The following ROBO1 variants were observed in gnomAD, a reference collection of about 807,000 sequenced individuals.
ROBO1 encodes the protein roundabout guidance receptor 1, also known as roundabout homolog 1.
ROBO1 carries 149 observed loss-of-function variants against 195.9 expected under a neutral mutation model. The ratio of observed to expected loss-of-function variants is 0.76; its 90% CI spans 0.67 to 0.87. The LOEUF is 0.87. ROBO1 is among the 40% of genes least tolerant of loss of function. The pLI, the probability that ROBO1 is intolerant of heterozygous loss-of-function variation, is 0.00. For missense variants in ROBO1, 1,933 were observed against 2,068.3 expected, an observed-to-expected ratio of 0.93 and a Z score of 1.27; for synonymous variants, 816 against 733.2, an observed-to-expected ratio of 1.11 and a Z score of -1.82.
rs558005668 is a variant in ROBO1 at position 78,708,116 on chromosome 3, G to A, written c.1045+6281C>T. On this transcript the variant is annotated intron_variant, in intron 8 of 30. Coordinates refer to ENST00000464233, the MANE Select transcript of ROBO1 (RefSeq NM_002941.4). ...TGCTTTATCTGTGAAGTTACAAAAG[G>A]AGTGGAAAGATTAATAATGCCATCT... 1.2e-4 allele frequency among the ~76,000 whole-genome samples: 19 copies of A among 152,286 alleles called. No homozygotes were observed. The South Asian group carries it at 3.7e-3, about 30-fold the overall frequency.
chr3:79,055,738 C>A (rs539346698), intron 3 of ROBO1, among the ~76,000 whole-genome samples: 16 of 152,162 alleles, frequency 1.1e-4, no homozygotes, highest in African/African-American at 3.6e-4. Flanking sequence ...GATTACTAAA[C>A]CCCTCCAAAT....
intron 2 of ROBO1, among the ~76,000 whole-genome samples, chr3:79,567,593 A>T (rs964532483): frequency 6.6e-6 from 1 of 152,200 alleles, no homozygotes; most frequent in African/African-American, 2.4e-5. Flanking sequence ...AGCCAATAGT[A>T]TTGTTACATA....
chr3:79,521,909 C>T (rs1941225162), intron 2 of ROBO1, among the ~76,000 whole-genome samples: 1 of 152,130 alleles, frequency 6.6e-6, no homozygotes, highest in Non-Finnish European at 1.5e-5. Context: ...TGACCTTTCC[C>T]TCTTCTTCTA....
chr3:79,658,916 T>C (rs1946248618), intron 1 of ROBO1, among the ~76,000 whole-genome samples: 1 of 152,068 alleles, frequency 6.6e-6, no homozygotes, highest in South Asian at 2.1e-4. Flanking sequence ...TTTGTATTTT[T>C]AGTAGAGATG....
intron 4 of ROBO1, among the ~76,000 whole-genome samples, chr3:78,839,349 T>C (rs544319750): frequency 6.6e-6 from 1 of 152,198 alleles, no homozygotes; most frequent in Non-Finnish European, 1.5e-5. Flanking sequence ...TAATGATGTA[T>C]AGTGATGATA....
intron 1 of ROBO1, among the ~76,000 whole-genome samples, chr3:79,662,678 T>A (rs1283515684): frequency 6.6e-6 from 1 of 152,100 alleles, no homozygotes; most frequent in Non-Finnish European, 1.5e-5. Flanking sequence ...TGGCTGTCTT[T>A]TTCCCTCTGC....
At chr3:79,179,660 T>A (rs1185193388) in intron 2 of ROBO1, among the ~76,000 whole-genome samples, 2 of 152,186 alleles carry the variant, frequency 1.3e-5, no homozygotes, top group Non-Finnish European at 2.9e-5. Flanking sequence ...GGGAAAAAAA[T>A]TATAATCATG....
At position 79,268,919 on chromosome 3, in the gene ROBO1, T is replaced by C. The variant is rs561543590; in HGVS notation, c.89-143380A>G. Among the ~76,000 whole-genome samples the C allele has an allele frequency of 6.6e-5, 10 of 151,870 alleles. No individual in the cohort carries two copies. In the East Asian group the frequency reaches 1.5e-3, roughly 24 times the overall value. On this transcript the variant is annotated intron_variant, in intron 2 of 30. Transcript: ENST00000464233. ...CTGTTATATCATTTTTTGGACATTCTATATATTTAAAATATTTCATAATAA... is the reference window on the plus strand; with the variant it reads ...CTGTTATATCATTTTTTGGACATTCCATATATTTAAAATATTTCATAATAA...
At chr3:78,916,182 G>T (rs556389486) in intron 4 of ROBO1, among the ~76,000 whole-genome samples, 1 of 150,540 alleles carries the variant, frequency 6.6e-6, no homozygotes, top group Admixed American at 6.6e-5. Flanking sequence ...CCCGGGAGGC[G>T]GAGCTTGCAG....
intron 29 of ROBO1, among the ~76,000 whole-genome samples, chr3:78,601,669 C>G (rs372787372): frequency 2.6e-5 from 4 of 152,216 alleles, no homozygotes; most frequent in African/African-American, 9.6e-5. Flanking sequence ...TTCCTCACCA[C>G]TCAGCCAAGC....
At chr3:78,764,199 TTTTG>T (rs2083173917) in intron 4 of ROBO1, among the ~76,000 whole-genome samples, 1 of 152,200 alleles carries the variant, frequency 6.6e-6, no homozygotes, top group South Asian at 2.1e-4. Context: ...TCTATCATCT[TTTTG>T]TTTATTATTT....
Position 79,751,342 on chromosome 3 carries a change from A to G in ROBO1, c.-51+16410T>C, listed in dbSNP as rs138543471. 2.3e-3 allele frequency among the ~76,000 whole-genome samples: 347 copies of G among 152,238 alleles called. 2 individuals carry two copies. The highest frequency in any genetic ancestry group is 7.9e-3 in the African/African-American group (328 of 41,568). The stretch of plus-strand genomic sequence containing the variant: ...TATTATCATATCATTAAAATGTATT[A>G]TTAATTGCAAAAATGTCTTGAGATT... On this transcript the variant is annotated intron_variant, in intron 1 of 30. Transcript: ENST00000464233.
intron 2 of ROBO1, among the ~76,000 whole-genome samples, chr3:79,190,984 A>G (rs1160392957): frequency 6.6e-6 from 1 of 151,630 alleles, no homozygotes; most frequent in Non-Finnish European, 1.5e-5. Context: ...TTTTTAGGAC[A>G]GACACATTAG....
At chr3:79,441,680 T>C (rs1288834317) in intron 2 of ROBO1, among the ~76,000 whole-genome samples, 4 of 152,128 alleles carry the variant, frequency 2.6e-5, no homozygotes, top group Non-Finnish European at 4.4e-5. Context: ...TATAATGATA[T>C]GACTCAGGGG....
At chr3:79,083,359 G>A (rs1335408814) in intron 3 of ROBO1, among the ~76,000 whole-genome samples, 1 of 152,098 alleles carries the variant, frequency 6.6e-6, no homozygotes, top group African/African-American at 2.4e-5. Flanking sequence ...CAAATGTAGT[G>A]GTTTGTGAAG....
rs1306848891 is a variant in ROBO1, at chr3:79,167,062, T to C, written c.89-41523A>G. ...ATTCTGGCTACTCAATTTCAAATCA[T>C]GTCCTAATCATGTTTCCTAAAAGAC... On this transcript the variant is annotated intron_variant, in intron 2 of 30. Coordinates refer to ENST00000464233, the MANE Select transcript of ROBO1 (RefSeq NM_002941.4). Among the ~76,000 whole-genome samples the C allele has an allele frequency of 2.6e-5, 4 of 151,994 alleles. No individual in the cohort carries two copies. The East Asian group carries it at 5.8e-4, about 22-fold the overall frequency.
chr3:78,850,258 G>A (rs542372539), intron 4 of ROBO1, among the ~76,000 whole-genome samples: 2 of 152,196 alleles, frequency 1.3e-5, no homozygotes, highest in Admixed American at 6.5e-5. Context: ...CATTGTTTTT[G>A]GCTACAGAAT....
At chr3:79,285,147 G>T (rs2031807588) in intron 2 of ROBO1, among the ~76,000 whole-genome samples, 1 of 152,014 alleles carries the variant, frequency 6.6e-6, no homozygotes, top group African/African-American at 2.4e-5. Context: ...TTCTTACGAA[G>T]CATTTATTCA....
At chr3:79,275,016 C>G (rs1283873788) in intron 2 of ROBO1, among the ~76,000 whole-genome samples, 3 of 151,888 alleles carry the variant, frequency 2.0e-5, no homozygotes, top group African/African-American at 7.2e-5. Context: ...GAGAAATGCT[C>G]AGGACCCAGT....
Sources: allele counts gnomAD v4.1 joint callset (sites outside exome capture counted in the v4.1 genomes callset), GRCh38; gene constraint gnomAD v4.1.1; transcripts MANE v1.5; gene names NCBI Gene and HGNC (gene_info 2026-07-23, HGNC 2026-07-21).